SERGEF: variants seen among roughly 807,000 people sequenced by gnomAD.
The protein encoded by SERGEF is secretion regulating guanine nucleotide exchange factor, also known as secretion-regulating guanine nucleotide exchange factor.
SERGEF carries 51 observed loss-of-function variants against 50.0 expected under a neutral mutation model. The ratio of observed to expected loss-of-function variants is 1.02; its 90% confidence interval spans 0.81 to 1.29. The LOEUF is 1.29. Among genes scored for constraint, SERGEF ranks in the 50% most tolerant of loss-of-function variants. The pLI, the probability that SERGEF is intolerant of heterozygous loss-of-function variation, is 0.00. For synonymous variants in SERGEF, 205 were observed against 212.4 expected, an observed-to-expected ratio of 0.97 and a Z score of 0.30; for missense variants, 521 against 557.0, an observed-to-expected ratio of 0.94 and a Z score of 0.65.
intron 9 of SERGEF, among the ~76,000 whole-genome samples, chr11:17,935,196 C>T (rs1343757396): frequency 1.3e-5 from 2 of 152,200 alleles, no homozygotes; most frequent in African/African-American, 2.4e-5. Context: ...TGGTGTATTA[C>T]TACTAAGCAT....
At chr11:17,900,337 G>A (rs768468493) in intron 9 of SERGEF, among the ~76,000 whole-genome samples, 1 of 152,176 alleles carries the variant, frequency 6.6e-6, no homozygotes, top group African/African-American at 2.4e-5. Context: ...AAAATGCTTA[G>A]AGCAGTATTG....
At chr11:17,994,984 TA>T (rs1853805799) in intron 6 of SERGEF, among the ~76,000 whole-genome samples, 1 of 151,916 alleles carries the variant, frequency 6.6e-6, no homozygotes, top group Non-Finnish European at 1.5e-5. Context: ...CAAGCCTGGG[TA>T]AACTCGGTCA....
At chr11:17,900,835 G>C (rs1278378796) in intron 9 of SERGEF, among the ~76,000 whole-genome samples, 2 of 152,110 alleles carry the variant, frequency 1.3e-5, no homozygotes, top group African/African-American at 4.8e-5. Flanking sequence ...GATAAACAAA[G>C]ACTACTTGAG....
At chr11:17,895,881 G>A (rs538392498) in intron 9 of SERGEF, among the ~76,000 whole-genome samples, 3 of 152,204 alleles carry the variant, frequency 2.0e-5, no homozygotes, top group Non-Finnish European at 4.4e-5. Context: ...TTTATATCAT[G>A]ACCTTTGCCT....
At chr11:17,986,818 G>A (rs529916500) in intron 8 of SERGEF, among the ~76,000 whole-genome samples, 1 of 152,266 alleles carries the variant, frequency 6.6e-6, no homozygotes, top group East Asian at 1.9e-4. Context: ...ATTTCTATGC[G>A]ACTTTTGCCC....
intron 9 of SERGEF, among the ~76,000 whole-genome samples, chr11:17,944,216 C>A (rs140912446): frequency 4.5e-4 from 69 of 152,260 alleles, no homozygotes; most frequent in Middle Eastern, 6.8e-3. Context: ...TGTCAGCCAC[C>A]GTGCCCGGCC....
At chr11:17,840,410 C>T (rs1448997253) in intron 10 of SERGEF, among the ~76,000 whole-genome samples, 2 of 152,268 alleles carry the variant, frequency 1.3e-5, no homozygotes, top group South Asian at 2.1e-4. Flanking sequence ...ATGAGTCACA[C>T]CTCTGCCCAC....
At chr11:17,853,488 G>A (rs1850751709) in intron 10 of SERGEF, 1 of 152,098 alleles carries the variant, frequency 6.6e-6, no homozygotes, top group Non-Finnish European at 1.5e-5. Context: ...TGTTTACTGG[G>A]GCAGTGAGCT....
At position 17,993,009 on chromosome 11, in the gene SERGEF, T is replaced by C; in HGVS notation, c.623-16A>G. The C allele has an allele frequency of 6.2e-7, 1 of 1,610,974 alleles. No homozygotes were observed. The highest frequency in any genetic ancestry group is 8.5e-7 in the Non-Finnish European group (1 of 1,177,372). On this transcript the variant is annotated splice_polypyrimidine_tract_variant and intron_variant, in intron 6 of 10. Transcript: ENST00000265965. Reference sequence around the variant, plus strand: ...TTCTCTAGACCTACAAAAGAAAAAATGTTCTTCTGAATTACATTTATAACA... The same window carrying C: ...TTCTCTAGACCTACAAAAGAAAAAACGTTCTTCTGAATTACATTTATAACA...
chr11:17,857,167 G>A (rs1216908081), intron 10 of SERGEF, among the ~76,000 whole-genome samples: 3 of 152,212 alleles, frequency 2.0e-5, no homozygotes, highest in African/African-American at 4.8e-5. Flanking sequence ...AGTTGCCGAC[G>A]TTCTATCTCC....
At chr11:17,979,080 C>T (rs1488890023) in intron 8 of SERGEF, among the ~76,000 whole-genome samples, 6 of 152,208 alleles carry the variant, frequency 3.9e-5, no homozygotes, top group South Asian at 2.1e-4. Flanking sequence ...ACATGACCTC[C>T]CTTCTCAAAG....
intron 10 of SERGEF, among the ~76,000 whole-genome samples, chr11:17,831,352 G>C (rs1196119278): frequency 1.3e-5 from 2 of 152,214 alleles, no homozygotes; most frequent in Non-Finnish European, 2.9e-5. Flanking sequence ...CTGGAGGTCA[G>C]CACGGGTTGC....
intron 9 of SERGEF, among the ~76,000 whole-genome samples, chr11:17,955,440 A>G (rs1852847053): frequency 6.6e-6 from 1 of 152,210 alleles, no homozygotes; most frequent in African/African-American, 2.4e-5. Flanking sequence ...GCAAGAACTC[A>G]AAAGTCAAGA....
At chr11:17,844,477 G>A (rs190467283) in intron 10 of SERGEF, among the ~76,000 whole-genome samples, 2 of 152,228 alleles carry the variant, frequency 1.3e-5, no homozygotes, top group East Asian at 3.9e-4. Context: ...CTCTTTCCTA[G>A]GCAGTCAGTA....
intron 9 of SERGEF, among the ~76,000 whole-genome samples, chr11:17,895,218 T>C (rs916901033): frequency 1.3e-5 from 2 of 152,204 alleles, no homozygotes; most frequent in African/African-American, 2.4e-5. Flanking sequence ...ACTTTTGATT[T>C]TGTGATTAAA....
At position 17,959,531 on chromosome 11, in the gene SERGEF, G is replaced by T; in HGVS notation, c.950C>A (p.Pro317His). Residue 317 changes from proline to histidine, a missense_variant, in exon 9 of 11, where the codon CCC becomes CAC. Coordinates refer to ENST00000265965, the MANE Select transcript of SERGEF (RefSeq NM_012139.4). ...WKLEKQDSFL[P>H]CSRPPNSMPS... ...CATGCTGTTCGGTGGTCTTGAACAG[G>T]GGAGAAATGAATCTTGCTTTTCTAG... The T allele has an allele frequency of 6.2e-7, 1 of 1,613,956 alleles. No individual in the cohort carries two copies. Among genetic ancestry groups the T allele is most frequent in the Non-Finnish European group, 8.5e-7 (1 of 1,179,918 alleles).
intron 9 of SERGEF, among the ~76,000 whole-genome samples, chr11:17,891,799 G>A (rs2133911242): frequency 6.6e-6 from 1 of 152,264 alleles, no homozygotes; most frequent in South Asian, 2.1e-4. Flanking sequence ...ACCCACTATG[G>A]GAAGCATTTA....
chr11:17,795,146 G>A (rs977706966), intron 10 of SERGEF, among the ~76,000 whole-genome samples: 5 of 152,194 alleles, frequency 3.3e-5, no homozygotes, highest in South Asian at 2.1e-4. Flanking sequence ...AGGTTTGAGC[G>A]CCCTCATAGA....
intron 9 of SERGEF, among the ~76,000 whole-genome samples, chr11:17,954,517 C>T (rs1382663236): frequency 6.6e-6 from 1 of 152,196 alleles, no homozygotes; most frequent in African/African-American, 2.4e-5. Context: ...CTAAAAATAG[C>T]TTCTTTCCCA....
Sources: gnomAD v4.1 joint callset for allele counts (sites outside exome capture counted in the v4.1 genomes callset) on GRCh38, gnomAD v4.1.1 for gene constraint, MANE v1.5 for transcripts, NCBI Gene and HGNC (gene_info 2026-07-23, HGNC 2026-07-21) for gene names.